The following ZZEF1 variants were observed in gnomAD, a reference collection of about 807,000 sequenced individuals.
ZZEF1 encodes the protein zinc finger ZZ-type and EF-hand domain containing 1, also known as zinc finger ZZ-type and EF-hand domain-containing protein 1.
A neutral mutation model predicts 342.8 loss-of-function variants in ZZEF1; 157 were observed. The observed-to-expected ratio is 0.46, with a 90% CI of 0.40 to 0.52. ZZEF1 has a LOEUF of 0.52. ZZEF1 is among the 20% of genes least tolerant of loss of function. ZZEF1 has a pLI of 0.00. For missense variants in ZZEF1, 3,480 were observed against 3,725.6 expected (o/e 0.93, Z 1.72); for synonymous variants, 1,505 against 1,429.1 (o/e 1.05, Z -1.20).
At position 4,032,989 on chromosome 17, in the gene ZZEF1, C is replaced by T; in HGVS notation, c.6598G>A (p.Asp2200Asn). 1.9e-6 allele frequency: 3 copies of T among 1,574,614 alleles called. No individual in the cohort carries two copies. The highest frequency in any genetic ancestry group is 1.7e-6 in the Non-Finnish European group (2 of 1,159,464). ...ATCTCTGCCATGGAGCACGCCCAGTCCAAGCCCACCCGGCTGGAAGGCAAG... is the reference window on the plus strand; with the variant it reads ...ATCTCTGCCATGGAGCACGCCCAGTTCAAGCCCACCCGGCTGGAAGGCAAG... ...AVCLDSRVGLDWACSMAEILR... is the reference protein window; with the variant it reads ...AVCLDSRVGLNWACSMAEILR... The change falls in exon 41 of 55, where the codon GAC becomes AAC. Residue 2200 changes from aspartate to asparagine, a missense_variant. Physicochemically the swap from Asp to Asn is conservative, Grantham distance 23. Transcript: ENST00000381638.
At chr17:4,070,946 A>G in intron 25 of ZZEF1, 22 bp from the exon 26 acceptor site, 2 of 1,605,648 alleles carry the variant, frequency 1.2e-6, no homozygotes, top group Middle Eastern at 1.7e-4. Flanking sequence ...AAATAAACCC[A>G]TCACATTTAA....
intron 1 of ZZEF1, among the ~76,000 whole-genome samples, chr17:4,139,857 A>G (rs1482805941): frequency 2.0e-5 from 3 of 152,266 alleles, no homozygotes; most frequent in Non-Finnish European, 2.9e-5. Flanking sequence ...CCTGAGTTTT[A>G]GCTGAATATA....
intron 33 of ZZEF1, among the ~76,000 whole-genome samples, chr17:4,055,805 T>TC (rs2057145153): frequency 6.6e-6 from 1 of 152,062 alleles, no homozygotes; most frequent in Non-Finnish European, 1.5e-5. Flanking sequence ...AGGGCAGCAG[T>TC]CCCCCTTTTT....
At position 4,017,177 on chromosome 17, in the gene ZZEF1, T is replaced by C; in HGVS notation, c.8001+194A>G. On this transcript the variant is annotated intron_variant, in intron 48 of 54. Coordinates refer to ENST00000381638, the MANE Select transcript of ZZEF1 (RefSeq NM_015113.4). This position sits in a 1 kb window ranked among gnomAD's most constrained non-coding sequence, Gnocchi z 5.1. ...TTTCTGGTTCAGCTGGAAATCGCGC[T>C]CAGGGCCCCTGAGTTCCTCACTAGC... The C allele has an allele frequency of 1.4e-6, 1 of 710,020 alleles. No homozygotes were observed. Among genetic ancestry groups the C allele is most frequent in the South Asian group, 2.4e-5 (1 of 41,566 alleles). The allele number at this position is 710,020 out of a possible 1,614,324, so 44.0% of individuals were successfully genotyped here.
Position 4,017,140 on chromosome 17 carries a change from T to G in ZZEF1, c.8001+231A>C. On this transcript the variant is annotated intron_variant, in intron 48 of 54. Transcript: ENST00000381638. This position sits in a 1 kb window ranked among gnomAD's most constrained non-coding sequence, Gnocchi z 5.1. ...TTTCTGCACTTGGAAACTGGGAAGA[T>G]GGCGACAAAGCTTTCTGGTTCAGCT... The G allele has an allele frequency of 1.8e-6, 1 of 548,322 alleles. No homozygotes were observed. Among genetic ancestry groups the G allele is most frequent in the Non-Finnish European group, 3.1e-6 (1 of 319,362 alleles). The allele number at this position is 548,322 out of a possible 1,614,324, so 34.0% of individuals were successfully genotyped here. A position where few individuals can be genotyped will look rare whatever the true frequency, so the allele number is the denominator to read the frequency against.
rs16953677 is a variant in ZZEF1 at position 4,058,146 on chromosome 17, G to C, written c.5013C>G (p.Leu1671=). ...GFSSLNDRSL[L]PALSCVQTAL... is the part of the protein sequence containing the mutation. ...CTGTCTGAACACAGGATAAGGCAGG[G>C]AGCAAGGACCTAAAGGGCCATGAAA... The change falls in exon 32 of 55, where the codon CTC becomes CTG. Residue 1671 remains leucine (L), a synonymous_variant. Transcript: ENST00000381638. 3 of 1,612,860 alleles carry C rather than the reference G, an allele frequency of 1.9e-6. No individual in the cohort carries two copies. The highest frequency in any genetic ancestry group is 2.7e-5 in the African/African-American group (2 of 74,874).
At chr17:4,130,225 A>G (rs4790567) in intron 1 of ZZEF1, among the ~76,000 whole-genome samples, 139,374 of 152,198 alleles carry the variant, frequency 0.92, 65,109 homozygotes, top group East Asian at 1. Context: ...AAGCTGAGGC[A>G]GGCAGATCAC....
intron 51 of ZZEF1, among the ~76,000 whole-genome samples, chr17:4,013,828 A>C (rs1180911348): frequency 6.6e-6 from 1 of 152,130 alleles, no homozygotes; most frequent in Non-Finnish European, 1.5e-5. Flanking sequence ...TTTTTTCAAA[A>C]TGCCCTGGCA....
chr17:4,109,478 AAG>A (rs1337187028), intron 6 of ZZEF1, among the ~76,000 whole-genome samples, 173 bp downstream of exon 6: 5 of 152,164 alleles, frequency 3.3e-5, no homozygotes, highest in African/African-American at 1.2e-4. Flanking sequence ...ACGTCAATCA[AAG>A]AGAGATACAC....
intron 40 of ZZEF1, chr17:4,033,493 A>G (rs2056595750): frequency 6.0e-6 from 1 of 165,474 alleles, no homozygotes; most frequent in Admixed American, 5.6e-5. Context: ...GATTACAGGC[A>G]CACGCCACCA....
At chr17:4,137,543 C>T (rs1015289346) in intron 1 of ZZEF1, among the ~76,000 whole-genome samples, 15 of 152,130 alleles carry the variant, frequency 9.9e-5, no homozygotes, top group Non-Finnish European at 1.6e-4. Flanking sequence ...ACCTGGGAGG[C>T]GGAGCTTGCA....
Position 4,081,398 on chromosome 17 carries a change from A to G in ZZEF1, c.2807T>C (p.Leu936Pro), listed in dbSNP as rs1346348551. The G allele has an allele frequency of 1.2e-6, 2 of 1,613,614 alleles. No homozygotes were observed. The highest frequency in any genetic ancestry group is 1.7e-6 in the Non-Finnish European group (2 of 1,180,006). Residue 936 changes from leucine (L) to proline (P), a missense_variant, in exon 18 of 55, where the codon CTC (leucine) becomes CCC (proline). Physicochemically the swap from Leu to Pro is moderately conservative, Grantham distance 98 (BLOSUM62 -3). This residue lies in a region of ZZEF1 where 1,528 missense variants were observed against 1,624.1 expected (regional missense o/e 0.94). Coordinates refer to ENST00000381638, the MANE Select transcript of ZZEF1 (RefSeq NM_015113.4). ...TACCTCTCGAGCAGCAACAGAGACG[A>G]GAGTGTCCATGACCGCCAGGACTTC... Reference protein sequence around the residue: ...ISEVLAVMDTLVSVAARECEL... With the variant: ...ISEVLAVMDTPVSVAARECEL...
chr17:4,132,509 T>C (rs971014320), intron 1 of ZZEF1, among the ~76,000 whole-genome samples: 3 of 152,040 alleles, frequency 2.0e-5, no homozygotes, highest in Non-Finnish European at 1.5e-5. Context: ...CCATCCTGGC[T>C]AACACGGTGA....
chr17:4,101,523 T>C (rs1040551061), intron 9 of ZZEF1, among the ~76,000 whole-genome samples: 4 of 152,146 alleles, frequency 2.6e-5, no homozygotes, highest in Admixed American at 1.3e-4. Context: ...TCCAGCAAAG[T>C]TGAAAAGCAC....
At chr17:4,046,384 T>C (rs970052728) in intron 37 of ZZEF1, among the ~76,000 whole-genome samples, 1 of 152,192 alleles carries the variant, frequency 6.6e-6, no homozygotes, top group African/African-American at 2.4e-5. Context: ...CACAGGCTTA[T>C]GTGTGGAACT....
At chr17:4,044,846 T>C (rs1406235951) in intron 37 of ZZEF1, among the ~76,000 whole-genome samples, 1 of 152,112 alleles carries the variant, frequency 6.6e-6, no homozygotes, top group East Asian at 1.9e-4. Context: ...GGTAAATCTA[T>C]ATTCTAATTA....
chr17:4,047,113 G>A (rs1007768499), intron 37 of ZZEF1, among the ~76,000 whole-genome samples: 2 of 152,144 alleles, frequency 1.3e-5, no homozygotes, highest in Non-Finnish European at 2.9e-5. Context: ...GCTGCTGGTG[G>A]GTGGGAAGGG....
chr17:4,119,937 C>T (rs2058456844), intron 2 of ZZEF1, among the ~76,000 whole-genome samples: 1 of 152,182 alleles, frequency 6.6e-6, no homozygotes, highest in East Asian at 1.9e-4. Context: ...TAACAGTTCA[C>T]ACCAAGGACT....
chr17:4,027,582 A>G (rs1026153129), intron 42 of ZZEF1, among the ~76,000 whole-genome samples: 1 of 143,088 alleles, frequency 7.0e-6, no homozygotes, highest in Non-Finnish European at 1.5e-5. Context: ...GGCATGAGCC[A>G]CTGTGCCCTG....
Sources: allele counts gnomAD v4.1 joint callset (sites outside exome capture counted in the v4.1 genomes callset), GRCh38; gene constraint gnomAD v4.1.1; regional missense constraint gnomAD v4.1.1; non-coding constraint Gnocchi (gnomAD v3.1); transcripts MANE v1.5; gene names NCBI Gene and HGNC (gene_info 2026-07-23, HGNC 2026-07-21).